The following ESR1 variants were observed in gnomAD, a reference collection of about 807,000 sequenced individuals.
ESR1 encodes the protein estrogen receptor 1.
A neutral mutation model predicts 52.7 loss-of-function variants in ESR1; 12 were observed. The observed-to-expected ratio is 0.23, with a 90% CI of 0.15 to 0.37. The LOEUF is 0.37. Ranked by LOEUF, ESR1 falls within the 10% of genes least tolerant of loss-of-function variation. ESR1 has a pLI of 1.00. For synonymous variants in ESR1, 305 were observed against 316.8 expected, an observed-to-expected ratio of 0.96 and a Z score of 0.39; for missense variants, 584 against 779.7, an observed-to-expected ratio of 0.75 and a Z score of 2.99.
At chr6:151,943,340 A>G (rs1355483004) in intron 3 of ESR1, among the ~76,000 whole-genome samples, 2 of 151,866 alleles carry the variant, frequency 1.3e-5, no homozygotes, top group Admixed American at 1.3e-4. Context: ...AGATCCCGCC[A>G]CTGCACTCCA....
upstream of ESR1, among the ~76,000 whole-genome samples, chr6:151,686,424 G>A (rs974296144): frequency 4.6e-5 from 7 of 152,254 alleles, no homozygotes; most frequent in Admixed American, 1.3e-4. Flanking sequence ...AGTGGCTCAC[G>A]CCTGTAATCC....
At chr6:152,047,744 C>T (rs1044985168) in intron 5 of ESR1, among the ~76,000 whole-genome samples, 3 of 152,108 alleles carry the variant, frequency 2.0e-5, no homozygotes, top group Non-Finnish European at 4.4e-5. Flanking sequence ...CATTTATAAA[C>T]ATTTTAAGAA....
intron 3 of ESR1, among the ~76,000 whole-genome samples, chr6:151,908,127 T>C (rs1797726552): frequency 6.6e-6 from 1 of 152,230 alleles, no homozygotes; most frequent in Admixed American, 6.5e-5. Flanking sequence ...TTTAACAATG[T>C]ACATGAATCG....
At chr6:151,896,843 T>A (rs1206877572) in intron 3 of ESR1, among the ~76,000 whole-genome samples, 1 of 152,174 alleles carries the variant, frequency 6.6e-6, no homozygotes, top group Non-Finnish European at 1.5e-5. Context: ...CTCTTCGCAT[T>A]GCTTTTGCTG....
intron 6 of ESR1, among the ~76,000 whole-genome samples, chr6:152,117,175 C>G (rs571932741): frequency 6.6e-6 from 1 of 152,288 alleles, no homozygotes; most frequent in East Asian, 1.9e-4. Flanking sequence ...GTAAATCCCA[C>G]AAGGAGGTGT....
At chr6:151,926,072 G>A (rs572286113) in intron 3 of ESR1, among the ~76,000 whole-genome samples, 2 of 152,056 alleles carry the variant, frequency 1.3e-5, no homozygotes, top group African/African-American at 2.4e-5. Context: ...AGGGTAATCA[G>A]CGCAATATTT....
At chr6:151,908,753 T>C (rs1292811069) in intron 3 of ESR1, among the ~76,000 whole-genome samples, 1 of 152,064 alleles carries the variant, frequency 6.6e-6, no homozygotes, top group Non-Finnish European at 1.5e-5. Context: ...TCATGAAATC[T>C]TTCTAAACAA....
intron 4 of ESR1, among the ~76,000 whole-genome samples, chr6:151,960,452 A>AT (rs2037522883): frequency 6.6e-6 from 1 of 152,086 alleles, no homozygotes; most frequent in Non-Finnish European, 1.5e-5. Flanking sequence ...CTGAAGGAGG[A>AT]GGTGAGAAAG....
chr6:151,861,940 TA>T (rs1393166033), intron 2 of ESR1, among the ~76,000 whole-genome samples: 3 of 152,114 alleles, frequency 2.0e-5, no homozygotes, highest in Non-Finnish European at 4.4e-5. Flanking sequence ...TACTTAAGGG[TA>T]AAAATGGATT....
intron 6 of ESR1, among the ~76,000 whole-genome samples, chr6:152,110,948 G>A (rs998897500): frequency 5.3e-5 from 8 of 152,078 alleles, no homozygotes; most frequent in Non-Finnish European, 8.8e-5. Flanking sequence ...TGGTTTCTGA[G>A]GCCCCTTTCC....
chr6:151,855,016 C>T (rs997164899), intron 2 of ESR1, among the ~76,000 whole-genome samples: 4 of 152,146 alleles, frequency 2.6e-5, no homozygotes, highest in Admixed American at 6.5e-5. Context: ...CAGGTTCAAG[C>T]GATTCTCCTG....
intron 2 of ESR1, among the ~76,000 whole-genome samples, chr6:151,731,416 T>G (rs560448185): frequency 1.3e-5 from 2 of 152,080 alleles, no homozygotes; most frequent in African/African-American, 4.8e-5. Flanking sequence ...TTGCTTTTAA[T>G]TCTTTGGAAG....
At chr6:152,050,042 C>T (rs1380204797) in intron 5 of ESR1, among the ~76,000 whole-genome samples, 1 of 152,324 alleles carries the variant, frequency 6.6e-6, no homozygotes. Context: ...ATCCACTGGG[C>T]ACCACTGTTG....
chr6:151,922,696 C>G (rs1029149244), intron 3 of ESR1, among the ~76,000 whole-genome samples: 60 of 152,136 alleles, frequency 3.9e-4, no homozygotes, highest in African/African-American at 1.4e-3. Context: ...AGCCACTTCT[C>G]CAAGGAGCAA....
At chr6:151,879,621 A>G (rs1792448215) in intron 2 of ESR1, among the ~76,000 whole-genome samples, 1 of 152,200 alleles carries the variant, frequency 6.6e-6, no homozygotes, top group South Asian at 2.1e-4. Context: ...AACGGTAACA[A>G]CAACGAACAT....
intron 4 of ESR1, among the ~76,000 whole-genome samples, chr6:151,952,275 G>A (rs2036413365): frequency 1.3e-5 from 2 of 152,158 alleles, no homozygotes; most frequent in Admixed American, 1.3e-4. Flanking sequence ...TGCCTAACCT[G>A]AGAGGAAGAG....
At chr6:151,968,408 C>T (rs966409758) in intron 4 of ESR1, among the ~76,000 whole-genome samples, 2 of 152,074 alleles carry the variant, frequency 1.3e-5, no homozygotes, top group Non-Finnish European at 2.9e-5. Context: ...CAACAAAAGT[C>T]AAAATTGACA....
chr6:151,945,093 C>T (rs2035549843), intron 4 of ESR1, among the ~76,000 whole-genome samples: 1 of 152,034 alleles, frequency 6.6e-6, no homozygotes, highest in East Asian at 1.9e-4. Context: ...TGGCACACAC[C>T]TGTGGTCCCA....
intron 6 of ESR1, among the ~76,000 whole-genome samples, chr6:152,091,392 T>C (rs913318769): frequency 6.6e-6 from 1 of 152,242 alleles, no homozygotes; most frequent in Admixed American, 6.5e-5. Flanking sequence ...GCTGTATTGA[T>C]GCCAAAACAG....
Sources: allele counts gnomAD v4.1 joint callset (sites outside exome capture counted in the v4.1 genomes callset), GRCh38; gene constraint gnomAD v4.1.1; transcripts MANE v1.5; gene names NCBI Gene and HGNC (gene_info 2026-07-23, HGNC 2026-07-21).